The following DOCK4 variants were observed in gnomAD, a reference collection of about 807,000 sequenced individuals.
DOCK4 encodes dedicator of cytokinesis 4, also known as dedicator of cytokinesis protein 4.
In DOCK4, 97 loss-of-function variants were observed where a neutral mutation model predicts 268.1. That is an observed-to-expected ratio of 0.36 (90% CI 0.31 to 0.43). DOCK4 has a LOEUF of 0.43. Among genes scored for constraint, DOCK4 ranks in the 20% least tolerant of loss-of-function variants. The pLI is 1.00. For synonymous variants in DOCK4, 954 were observed against 887.2 expected, an observed-to-expected ratio of 1.08 and a Z score of -1.34; for missense variants, 2,145 against 2,455.7, an observed-to-expected ratio of 0.87 and a Z score of 2.67.
intron 50 of DOCK4, 78 bp downstream of exon 50, chr7:111,736,839 G>T: frequency 1.5e-6 from 2 of 1,309,552 alleles, no homozygotes; most frequent in South Asian, 1.3e-5. Context: ...TTTCCACACA[G>T]ACACACAGAA....
rs1422162578 is a variant in DOCK4 at position 111,868,011 on chromosome 7, T to A, written c.2253A>T (p.Lys751Asn). Residue 751 changes from lysine to asparagine, a missense_variant, in exon 22 of 53, where the codon AAA (lysine) becomes AAT (asparagine). Lys to Asn is a moderately conservative substitution (Grantham distance 94). Transcript: ENST00000428084. ...GTGACTGAGATAATGCTCCAGACCC[T>A]TTGCTCTCTTGCGAAAGAAAGAAAC... is the stretch of plus-strand genomic sequence containing the variant. ...SVRFFLSQES[K>N]GSGALSQSQA... 1 of 1,611,696 alleles carries A rather than the reference T, an allele frequency of 6.2e-7. No individual in the cohort carries two copies. The highest frequency in any genetic ancestry group is 1.3e-5 in the African/African-American group (1 of 74,812).
At position 111,742,074 on chromosome 7, in the gene DOCK4, C is replaced by T. The variant is rs3757650; in HGVS notation, c.4736G>A (p.Arg1579Lys). ...GTCAACCAGCTTTTTGTGAAGGGGT[C>T]TCATATCTTGAGGTACAAACTTCTC... ...VHEKFVPQDMRPLHKKLVDQF... is the reference protein window; with the variant it reads ...VHEKFVPQDMKPLHKKLVDQF... The change falls in exon 45 of 53, where the codon AGA (arginine) becomes AAA (lysine). Residue 1579 changes from arginine (R) to lysine (K), a missense_variant. By Grantham distance (26) the Arg-to-Lys change is conservative. Coordinates refer to ENST00000428084, the MANE Select transcript of DOCK4 (RefSeq NM_001363540.2). 550 of 1,608,566 alleles carry T rather than the reference C, an allele frequency of 3.4e-4. 5 individuals are homozygous for T. The East Asian group carries it at 0.011, about 33-fold the overall frequency.
At chr7:111,937,746 A>G (rs1228644158) in intron 11 of DOCK4, among the ~76,000 whole-genome samples, 2 of 152,248 alleles carry the variant, frequency 1.3e-5, no homozygotes, top group East Asian at 1.9e-4. Context: ...GGAAAAATAC[A>G]AATTATTAAC....
intron 12 of DOCK4, among the ~76,000 whole-genome samples, chr7:111,926,634 A>G (rs926180002): frequency 7.9e-5 from 12 of 151,256 alleles, no homozygotes; most frequent in African/African-American, 2.9e-4. Flanking sequence ...TATCCTGGCC[A>G]ACATGGTAAA....
intron 1 of DOCK4, among the ~76,000 whole-genome samples, chr7:112,114,779 A>G (rs1480581914): frequency 6.6e-6 from 1 of 152,218 alleles, no homozygotes; most frequent in Non-Finnish European, 1.5e-5. Flanking sequence ...TACAATCACT[A>G]CAGTTTGGTG....
At chr7:111,844,973 CAA>C in intron 24 of DOCK4, 76 bp from the exon 25 acceptor site, 1 of 1,521,280 alleles carries the variant, frequency 6.6e-7, no homozygotes, top group Non-Finnish European at 8.8e-7. Flanking sequence ...AAGGGGAAAT[CAA>C]AGAGTCAGAG....
chr7:111,886,279 T>C (rs184658392), intron 16 of DOCK4, among the ~76,000 whole-genome samples: 16 of 152,352 alleles, frequency 1.1e-4, no homozygotes, highest in Admixed American at 1.0e-3. Flanking sequence ...GAAAATACCT[T>C]TCTTTGGGGA....
chr7:111,772,403 G>A (rs1798177259), intron 36 of DOCK4, among the ~76,000 whole-genome samples: 1 of 152,140 alleles, frequency 6.6e-6, no homozygotes, highest in Admixed American at 6.5e-5. Flanking sequence ...GTCGGTGGAT[G>A]GTGGTAATGG....
chr7:111,921,041 G>A (rs1208216586), intron 12 of DOCK4, among the ~76,000 whole-genome samples: 2 of 151,914 alleles, frequency 1.3e-5, no homozygotes, highest in East Asian at 3.9e-4. Flanking sequence ...ACCTAATTTT[G>A]TTTATGTAAA....
intron 13 of DOCK4, among the ~76,000 whole-genome samples, chr7:111,910,331 T>C (rs4607530): frequency 0.25 from 38,471 of 152,132 alleles, 5,337 homozygotes; most frequent in African/African-American, 0.38. Context: ...AGGCCAGGCC[T>C]GCTTTGCCTA....
chr7:111,996,570 A>G (rs1162722497), intron 4 of DOCK4, among the ~76,000 whole-genome samples: 1 of 152,196 alleles, frequency 6.6e-6, no homozygotes, highest in East Asian at 1.9e-4. Flanking sequence ...TTTTTCTTCC[A>G]GTAACAGCCC....
chr7:111,783,125 G>T (rs975869553), intron 34 of DOCK4, among the ~76,000 whole-genome samples: 1 of 152,130 alleles, frequency 6.6e-6, no homozygotes, highest in African/African-American at 2.4e-5. Flanking sequence ...AATCTCTAGG[G>T]AATCTGGGGA....
At chr7:112,026,080 T>C (rs1164397791) in intron 1 of DOCK4, among the ~76,000 whole-genome samples, 1 of 152,196 alleles carries the variant, frequency 6.6e-6, no homozygotes, top group Non-Finnish European at 1.5e-5. Context: ...ATCAAACACA[T>C]AGGAGGAGCT....
At chr7:112,189,180 G>A (rs1016047773) in intron 1 of DOCK4, among the ~76,000 whole-genome samples, 2 of 152,174 alleles carry the variant, frequency 1.3e-5, no homozygotes, top group Non-Finnish European at 2.9e-5. Context: ...ATGCTGTGGA[G>A]TGAAAATGCT....
chr7:111,970,720 C>T (rs1209772930), intron 8 of DOCK4, among the ~76,000 whole-genome samples: 1 of 152,164 alleles, frequency 6.6e-6, no homozygotes, highest in East Asian at 1.9e-4. Context: ...ATTTTTGCCT[C>T]TCCAATGTGG....
chr7:112,029,615 T>A (rs1803105694), intron 1 of DOCK4, among the ~76,000 whole-genome samples: 2 of 152,220 alleles, frequency 1.3e-5, no homozygotes. Context: ...CTTGTCACTC[T>A]GGTTGAATAA....
intron 52 of DOCK4, among the ~76,000 whole-genome samples, chr7:111,730,575 T>C (rs1470917368): frequency 1.3e-5 from 2 of 152,064 alleles, no homozygotes; most frequent in Non-Finnish European, 2.9e-5. Flanking sequence ...ATTCAAAATA[T>C]GGCAGGTCAG....
chr7:111,963,325 A>C (rs1295645376), intron 8 of DOCK4, among the ~76,000 whole-genome samples: 1 of 141,292 alleles, frequency 7.1e-6, no homozygotes, highest in African/African-American at 2.8e-5. Context: ...AGTGCCAGAC[A>C]GTGGGCGCAG....
chr7:111,858,094 C>G (rs1805160723), intron 23 of DOCK4, among the ~76,000 whole-genome samples: 1 of 152,198 alleles, frequency 6.6e-6, no homozygotes, highest in African/African-American at 2.4e-5. Flanking sequence ...CTCCTGCCTG[C>G]TCTGTCCAGC....
Sources: gnomAD v4.1 joint callset for allele counts (sites outside exome capture counted in the v4.1 genomes callset) on GRCh38, gnomAD v4.1.1 for gene constraint, MANE v1.5 for transcripts, NCBI Gene and HGNC (gene_info 2026-07-23, HGNC 2026-07-21) for gene names.